CHCHD3: variants seen among roughly 807,000 people sequenced by gnomAD.
CHCHD3 encodes MICOS complex subunit MIC19.
Under a neutral mutation model 38.2 loss-of-function variants are expected in CHCHD3, and 20 were observed. The ratio of observed to expected loss-of-function variants is 0.52; its 90% CI spans 0.37 to 0.76. CHCHD3 has a LOEUF of 0.76. Ranked by LOEUF, CHCHD3 falls within the 30% of genes least tolerant of loss-of-function variation. The pLI, the probability that CHCHD3 is intolerant of heterozygous loss-of-function variation, is 0.00. For synonymous variants in CHCHD3, 82 were observed against 100.0 expected, an observed-to-expected ratio of 0.82 and a Z score of 1.07; for missense variants, 245 against 279.2, an observed-to-expected ratio of 0.88 and a Z score of 0.87.
In CHCHD3 at chr7:133,002,478, G is replaced by A. The variant is rs536216571; in HGVS notation, c.251+22068C>T. On this transcript the variant is annotated intron_variant, in intron 3 of 7. Coordinates refer to ENST00000262570, the MANE Select transcript of CHCHD3 (RefSeq NM_017812.4). Reference sequence around the variant, plus strand: ...TTAGGTGGGTTTGATATTTGCTAATGGTAGAAATCCATGATAATTAGGCTT... The same window carrying A: ...TTAGGTGGGTTTGATATTTGCTAATAGTAGAAATCCATGATAATTAGGCTT... 1.6e-4 allele frequency among the ~76,000 whole-genome samples: 25 copies of A among 152,016 alleles called. No homozygotes were observed. The South Asian group carries it at 3.9e-3, about 24-fold the overall frequency.
At chr7:132,907,683 G>A (rs974815577) in intron 4 of CHCHD3, among the ~76,000 whole-genome samples, 2 of 152,130 alleles carry the variant, frequency 1.3e-5, no homozygotes, top group African/African-American at 4.8e-5. Context: ...GGCCGCTAAA[G>A]GTTTTTGAGC....
chr7:133,075,557 CAGT>C (rs899821399), intron 1 of CHCHD3, among the ~76,000 whole-genome samples: 2 of 152,268 alleles, frequency 1.3e-5, no homozygotes, highest in Admixed American at 1.3e-4. Context: ...CTTCCCATTG[CAGT>C]AGTAAGTTCA....
intron 3 of CHCHD3, among the ~76,000 whole-genome samples, chr7:133,010,373 T>C (rs1404116908): frequency 6.6e-6 from 1 of 152,072 alleles, no homozygotes; most frequent in Non-Finnish European, 1.5e-5. Context: ...TATATACAAA[T>C]ATATGCACAG....
At chr7:133,011,834 T>C (rs1763826243) in intron 3 of CHCHD3, among the ~76,000 whole-genome samples, 1 of 152,258 alleles carries the variant, frequency 6.6e-6, no homozygotes, top group Non-Finnish European at 1.5e-5. Context: ...CCAAGCTCTC[T>C]TGAGAATCTG....
intron 6 of CHCHD3, among the ~76,000 whole-genome samples, chr7:132,805,111 G>A (rs1806881749): frequency 6.6e-6 from 1 of 152,226 alleles, no homozygotes; most frequent in South Asian, 2.1e-4. Flanking sequence ...GTACAGACTA[G>A]GAAGGGGGAG....
intron 4 of CHCHD3, among the ~76,000 whole-genome samples, chr7:132,963,870 G>A (rs905979109): frequency 3.3e-5 from 5 of 152,154 alleles, no homozygotes; most frequent in Non-Finnish European, 7.4e-5. Context: ...TTAACCTGCT[G>A]TTGAGATAAT....
At chr7:132,928,178 G>A (rs564489733) in intron 4 of CHCHD3, among the ~76,000 whole-genome samples, 2 of 152,154 alleles carry the variant, frequency 1.3e-5, no homozygotes, top group Non-Finnish European at 2.9e-5. Context: ...AACATGAAGA[G>A]AGTGACATCA....
rs531577529 is a variant in CHCHD3 at position 132,918,410 on chromosome 7, G to A, written c.370-32665C>T. On this transcript the variant is annotated intron_variant, in intron 4 of 7. Coordinates refer to ENST00000262570, the MANE Select transcript of CHCHD3 (RefSeq NM_017812.4). ...AGTTTGGGTAAAGCCCTGGCACAGT[G>A]CGTGACACATTTGTGAAACACTCAG... Among the ~76,000 whole-genome samples the A allele has an allele frequency of 2.7e-3, 406 of 152,278 alleles. 4 individuals carry two copies. The highest frequency in any genetic ancestry group is 9.3e-3 in the African/African-American group (388 of 41,534).
intron 2 of CHCHD3, among the ~76,000 whole-genome samples, chr7:133,058,185 T>G (rs1235805056): frequency 6.6e-6 from 1 of 151,992 alleles, no homozygotes; most frequent in Non-Finnish European, 1.5e-5. Flanking sequence ...TATTTTTTAC[T>G]GTAAGTATGC....
At chr7:132,910,837 A>G (rs1809929980) in intron 4 of CHCHD3, among the ~76,000 whole-genome samples, 1 of 152,202 alleles carries the variant, frequency 6.6e-6, no homozygotes, top group Non-Finnish European at 1.5e-5. Context: ...GAGTCTGAGT[A>G]AGGCTACACA....
At chr7:132,864,902 C>G (rs1433217635) in intron 5 of CHCHD3, among the ~76,000 whole-genome samples, 1 of 152,106 alleles carries the variant, frequency 6.6e-6, no homozygotes, top group Non-Finnish European at 1.5e-5. Context: ...AACATCCTTC[C>G]CAGAATAAAC....
At chr7:132,831,310 C>T (rs1807643839) in intron 6 of CHCHD3, among the ~76,000 whole-genome samples, 1 of 152,130 alleles carries the variant, frequency 6.6e-6, no homozygotes. Context: ...TAGTGTCTTA[C>T]TGAGATACAC....
intron 7 of CHCHD3, among the ~76,000 whole-genome samples, chr7:132,787,795 A>T (rs933891058): frequency 1.1e-4 from 16 of 152,234 alleles, no homozygotes; most frequent in Middle Eastern, 3.2e-3. Flanking sequence ...ATAGGGCACA[A>T]AAGAACAGAT....
chr7:133,063,405 C>T (rs182487640), intron 2 of CHCHD3, among the ~76,000 whole-genome samples: 36 of 152,250 alleles, frequency 2.4e-4, no homozygotes, highest in African/African-American at 7.9e-4. Flanking sequence ...CTTTCTTTAC[C>T]TTATCTTTCC....
intron 4 of CHCHD3, among the ~76,000 whole-genome samples, chr7:132,963,145 T>TAA (rs71681912): frequency 2.9e-5 from 4 of 139,276 alleles, no homozygotes; most frequent in African/African-American, 1.0e-4. Flanking sequence ...CTCCCCCAAA[T>TAA]AAAAAAAAAA....
At position 132,975,136 on chromosome 7, in the gene CHCHD3, C is replaced by T. The variant is rs766942120; in HGVS notation, c.369+33G>A. On this transcript the variant is annotated intron_variant, in intron 4 of 7. Transcript: ENST00000262570. ...CAAACATCAGAGATTTCCTTGTAGG[C>T]AAGAAAATTTCTCCTACATTTTTAA... 29 of 1,542,692 alleles carry T rather than the reference C, an allele frequency of 1.9e-5. No homozygotes were observed. In the African/African-American group the frequency reaches 2.9e-4, roughly 15 times the overall value.
intron 3 of CHCHD3, among the ~76,000 whole-genome samples, chr7:133,019,643 C>G (rs969256551): frequency 6.6e-6 from 1 of 151,996 alleles, no homozygotes; most frequent in Non-Finnish European, 1.5e-5. Context: ...TGAAAAATAG[C>G]GAGCAAGTAA....
intron 4 of CHCHD3, among the ~76,000 whole-genome samples, chr7:132,941,269 C>T (rs954132098): frequency 6.6e-6 from 1 of 152,154 alleles, no homozygotes; most frequent in Non-Finnish European, 1.5e-5. Flanking sequence ...CACTTGATAT[C>T]TTACAGCTTC....
intron 2 of CHCHD3, 86 bp downstream of exon 2, chr7:133,070,056 G>A (rs756981196): frequency 1.7e-4 from 156 of 892,084 alleles, no homozygotes; most frequent in Non-Finnish European, 2.5e-4. Context: ...ACGAAAGACA[G>A]AATGCTAGAG....
Sources: gnomAD v4.1 joint callset for allele counts (sites outside exome capture counted in the v4.1 genomes callset) on GRCh38, gnomAD v4.1.1 for gene constraint, MANE v1.5 for transcripts, NCBI Gene and HGNC (gene_info 2026-07-23, HGNC 2026-07-21) for gene names.